Variants in ROBO1 observed in about 807,000 individuals in gnomAD.
ROBO1 encodes the protein roundabout homolog 1.
A neutral mutation model predicts 195.9 loss-of-function variants in ROBO1; 149 were observed. The ratio of observed to expected loss-of-function variants is 0.76; its 90% CI spans 0.67 to 0.87. The LOEUF (loss-of-function observed/expected upper bound fraction) is 0.87. Among genes scored for constraint, ROBO1 ranks in the 40% least tolerant of loss-of-function variants. The pLI is 0.00. For synonymous variants in ROBO1, 816 were observed against 733.2 expected, an observed-to-expected ratio of 1.11 and a Z score of -1.82; for missense variants, 1,933 against 2,068.3, an observed-to-expected ratio of 0.93 and a Z score of 1.27.
chr3:78,879,370 C>T (rs2036044789), intron 4 of ROBO1, among the ~76,000 whole-genome samples: 1 of 152,058 alleles, frequency 6.6e-6, no homozygotes, highest in African/African-American at 2.4e-5. Flanking sequence ...TACAAGCTGA[C>T]TGCACATAAT....
At chr3:79,055,346 T>C (rs765819421) in intron 3 of ROBO1, among the ~76,000 whole-genome samples, 4 of 152,122 alleles carry the variant, frequency 2.6e-5, no homozygotes, top group African/African-American at 4.8e-5. Flanking sequence ...ATTGGATTAA[T>C]ATAATTTCTA....
intron 3 of ROBO1, among the ~76,000 whole-genome samples, chr3:79,062,648 C>T (rs544281052): frequency 6.6e-6 from 1 of 152,238 alleles, no homozygotes; most frequent in East Asian, 1.9e-4. Flanking sequence ...CACATATACA[C>T]CATGGAATAC....
At chr3:79,371,510 T>G (rs1053026705) in intron 2 of ROBO1, among the ~76,000 whole-genome samples, 1 of 152,152 alleles carries the variant, frequency 6.6e-6, no homozygotes, top group African/African-American at 2.4e-5. Context: ...GCAAGCCAGG[T>G]TATTCATAGA....
intron 1 of ROBO1, among the ~76,000 whole-genome samples, chr3:79,609,648 T>C (rs2107910767): frequency 6.6e-6 from 1 of 151,998 alleles, no homozygotes; most frequent in Non-Finnish European, 1.5e-5. Context: ...TGGTATAACA[T>C]ACAATGGAGT....
intron 2 of ROBO1, among the ~76,000 whole-genome samples, chr3:79,378,158 T>A (rs2036448946): frequency 1.3e-5 from 2 of 150,980 alleles, no homozygotes; most frequent in African/African-American, 4.9e-5. Flanking sequence ...ATGGTCACTC[T>A]CTCTCTCTCT....
In ROBO1 at chr3:79,362,983, T is replaced by C. The variant is rs148307188; in HGVS notation, c.88+226841A>G. On this transcript the variant is annotated intron_variant, in intron 2 of 30. Coordinates refer to ENST00000464233, the MANE Select transcript of ROBO1 (RefSeq NM_002941.4). ...TAATGTCTAAAAATGCCACACTTTC[T>C]CCTAGTCAGATTGGAAAGGGTACAT... Among the ~76,000 whole-genome samples, 604 of 152,248 alleles carry C rather than the reference T, an allele frequency of 4.0e-3. 2 individuals are homozygous for C. Among genetic ancestry groups the C allele is most frequent in the African/African-American group, 0.014 (574 of 41,534 alleles).
chr3:78,763,941 A>C (rs576649100), intron 4 of ROBO1, among the ~76,000 whole-genome samples: 1 of 152,284 alleles, frequency 6.6e-6, no homozygotes, highest in Non-Finnish European at 1.5e-5. Flanking sequence ...AAAGTTTTAT[A>C]GTGTGGAAGT....
At chr3:79,746,573 T>G (rs1703886002) in intron 1 of ROBO1, among the ~76,000 whole-genome samples, 1 of 152,070 alleles carries the variant, frequency 6.6e-6, no homozygotes, top group Admixed American at 6.5e-5. Flanking sequence ...TCTACCTCAC[T>G]TTTCCTGTCC....
At chr3:79,470,864 C>T (rs537535805) in intron 2 of ROBO1, among the ~76,000 whole-genome samples, 125 of 152,108 alleles carry the variant, frequency 8.2e-4, no homozygotes, top group Non-Finnish European at 1.5e-3. Flanking sequence ...CCCAGTCTTG[C>T]GTTTGTCTTT....
At chr3:79,408,310 ACTGAAGGAAAAGTTTTCTT>A (rs1412318732) in intron 2 of ROBO1, among the ~76,000 whole-genome samples, 1 of 152,044 alleles carries the variant, frequency 6.6e-6, no homozygotes, top group East Asian at 1.9e-4. Flanking sequence ...TAATCTCAGT[ACTGAAGGAAAAGTTTTCTT>A]TATTTGGTGC....
intron 2 of ROBO1, among the ~76,000 whole-genome samples, chr3:79,304,717 G>A (rs552784409): frequency 3.5e-4 from 53 of 152,146 alleles, no homozygotes; most frequent in African/African-American, 1.3e-3. Context: ...ATTATACCAT[G>A]TTTACTCCAT....
chr3:79,305,392 C>T (rs1423346011), intron 2 of ROBO1, among the ~76,000 whole-genome samples: 1 of 146,800 alleles, frequency 6.8e-6, no homozygotes, highest in East Asian at 2.0e-4. Context: ...GAGGCTGAGG[C>T]AGGAGAATCA....
intron 4 of ROBO1, among the ~76,000 whole-genome samples, chr3:78,842,220 GC>G (rs1345804156): frequency 2.3e-5 from 2 of 86,202 alleles, no homozygotes; most frequent in African/African-American, 8.6e-5. Context: ...ATATATATGA[GC>G]CATATATATA....
intron 2 of ROBO1, among the ~76,000 whole-genome samples, chr3:79,502,490 C>T (rs1940140937): frequency 1.3e-5 from 2 of 152,090 alleles, no homozygotes; most frequent in African/African-American, 2.4e-5. Flanking sequence ...CCTGAGTCTC[C>T]CCCCGCCCCT....
chr3:79,067,510 T>C lies in ROBO1; in HGVS notation c.172+57946A>G, dbSNP rs76258928. Among the ~76,000 whole-genome samples, 404 of 152,094 alleles carry C rather than the reference T, an allele frequency of 2.7e-3. 2 individuals carry two copies. The highest frequency in any genetic ancestry group is 0.01 in the Middle Eastern group (3 of 294). ...TTCTGAGTCTGTCAATTACAAACGA[T>C]GTGACTTAGGGCAGCTTATTCAACT... On this transcript the variant is annotated intron_variant, in intron 3 of 30. Transcript: ENST00000464233.
chr3:79,073,519 T>C (rs2079122287), intron 3 of ROBO1, among the ~76,000 whole-genome samples: 1 of 151,890 alleles, frequency 6.6e-6, no homozygotes, highest in South Asian at 2.1e-4. Flanking sequence ...CTTAGGACAG[T>C]GCCATAGGGA....
At chr3:78,813,526 C>A (rs2084807723) in intron 4 of ROBO1, among the ~76,000 whole-genome samples, 1 of 152,072 alleles carries the variant, frequency 6.6e-6, no homozygotes, top group South Asian at 2.1e-4. Context: ...AATATCCTTA[C>A]TTCCAGTTAA....
intron 2 of ROBO1, among the ~76,000 whole-genome samples, chr3:79,529,668 G>T (rs1941571215): frequency 6.6e-6 from 1 of 152,018 alleles, no homozygotes; most frequent in Admixed American, 6.6e-5. Context: ...CTGGAATAAG[G>T]GACGATTCAC....
At chr3:79,042,970 C>T (rs1021918922) in intron 3 of ROBO1, among the ~76,000 whole-genome samples, 1 of 152,176 alleles carries the variant, frequency 6.6e-6, no homozygotes, top group Admixed American at 6.6e-5. Context: ...TCACCATACC[C>T]TTAATTTTAA....
Sources: allele counts gnomAD v4.1 joint callset (sites outside exome capture counted in the v4.1 genomes callset), GRCh38; gene constraint gnomAD v4.1.1; transcripts MANE v1.5; gene names NCBI Gene and HGNC (gene_info 2026-07-23, HGNC 2026-07-21).